The following YTHDC2 variants were observed in gnomAD, a reference collection of about 807,000 sequenced individuals.
YTHDC2 encodes 3'-5' RNA helicase YTHDC2.
In YTHDC2, 45 loss-of-function variants were observed where a neutral mutation model predicts 174.9. The ratio of observed to expected loss-of-function variants is 0.26; its 90% CI spans 0.20 to 0.33. The LOEUF (loss-of-function observed/expected upper bound fraction) is 0.33. YTHDC2 is among the 10% of genes least tolerant of loss of function. The pLI is 1.00. For synonymous variants in YTHDC2, 657 were observed against 574.5 expected (o/e 1.14, Z -2.05); for missense variants, 1,650 against 1,723.7 (o/e 0.96, Z 0.76).
intron 10 of YTHDC2, among the ~76,000 whole-genome samples, chr5:113,543,998 C>G (rs1200839290): frequency 1.3e-5 from 2 of 152,064 alleles, no homozygotes; most frequent in Non-Finnish European, 2.9e-5. Flanking sequence ...CTTTCATTAC[C>G]TGTCATGTAT....
intron 12 of YTHDC2, among the ~76,000 whole-genome samples, chr5:113,552,003 T>C (rs1260106431): frequency 6.6e-6 from 1 of 152,162 alleles, no homozygotes; most frequent in Admixed American, 6.6e-5. Context: ...ATAATCAACT[T>C]GCTTTTAGTA....
At chr5:113,525,203 C>T (rs771416146) in intron 3 of YTHDC2, 26 bp downstream of exon 3, 2 of 1,521,806 alleles carry the variant, frequency 1.3e-6, no homozygotes, top group Non-Finnish European at 1.8e-6. Context: ...GGAGCTTCCT[C>T]ATTTACCCTA....
intron 20 of YTHDC2, among the ~76,000 whole-genome samples, 197 bp downstream of exon 20, chr5:113,564,328 C>T (rs985668664): frequency 2.6e-5 from 4 of 151,902 alleles, no homozygotes; most frequent in African/African-American, 9.7e-5. Context: ...GCTCTTTTTT[C>T]CCATTTTCTC....
Position 113,561,121 on chromosome 5 carries a change from G to T in YTHDC2, c.2258G>T (p.Ser753Ile). Residue 753 changes from serine (S) to isoleucine (I), a missense_variant, in exon 18 of 30, where the codon AGT becomes ATT. By Grantham distance (142) the Ser-to-Ile change is moderately radical. This residue lies in a region of YTHDC2 where 913 missense variants were observed against 940.4 expected (regional missense o/e 0.97). Transcript: ENST00000161863. ...CCTGGAATTTGTTTTCGTCTGTTCA[G>T]TAGACTCCGATTCCAGAATATGTTG... ...CRPGICFRLF[S>I]RLRFQNMLEF... is the part of the protein sequence containing the mutation. 1 of 1,613,152 alleles carries T rather than the reference G, an allele frequency of 6.2e-7. No individual in the cohort carries two copies. The highest frequency in any genetic ancestry group is 8.5e-7 in the Non-Finnish European group (1 of 1,179,466).
At chr5:113,522,216 A>G (rs1773923103) in intron 2 of YTHDC2, among the ~76,000 whole-genome samples, 1 of 148,130 alleles carries the variant, frequency 6.8e-6, no homozygotes, top group East Asian at 2.0e-4. Flanking sequence ...TTAAGCAGTC[A>G]TTTGAGATTT....
At chr5:113,533,132 GAA>G in intron 5 of YTHDC2, 87 bp downstream of exon 5, 1 of 1,441,832 alleles carries the variant, frequency 6.9e-7, no homozygotes. Context: ...TGTGTTCGTT[GAA>G]AAGTTAGGTG....
chr5:113,540,309 TATAAC>T (rs1439056495), intron 8 of YTHDC2, among the ~76,000 whole-genome samples: 2 of 152,210 alleles, frequency 1.3e-5, no homozygotes, highest in African/African-American at 4.8e-5. Context: ...AAACAATAGT[TATAAC>T]ATGGATAAAA....
chr5:113,551,129 T>C lies in YTHDC2; in HGVS notation c.1689-2052T>C, dbSNP rs1011684606. On this transcript the variant is annotated intron_variant, in intron 12 of 29. Transcript: ENST00000161863. ...CAGACATTTGAAATTAGTTGTGACA[T>C]TGAGTCTCAAAATTCTTGGTAGGTT... Among the ~76,000 whole-genome samples the C allele has an allele frequency of 3.9e-5, 6 of 152,196 alleles. No individual in the cohort carries two copies. The East Asian group carries it at 7.7e-4, about 20-fold the overall frequency.
chr5:113,574,982 G>A (rs890456021), intron 23 of YTHDC2, among the ~76,000 whole-genome samples: 1 of 152,166 alleles, frequency 6.6e-6, no homozygotes, highest in African/African-American at 2.4e-5. Flanking sequence ...GGGGGTGAGG[G>A]TTCCTTTTGC....
chr5:113,590,626 C>G (rs533000015), intron 26 of YTHDC2, among the ~76,000 whole-genome samples: 123 of 152,324 alleles, frequency 8.1e-4, no homozygotes, highest in Admixed American at 5.3e-3. Context: ...CCACTTCGGT[C>G]TCTGAACTCC....
chr5:113,553,086 T>A, intron 12 of YTHDC2, 95 bp from the exon 13 acceptor site: 1 of 1,197,478 alleles, frequency 8.4e-7, no homozygotes, highest in Non-Finnish European at 1.1e-6. Flanking sequence ...TCACTTACCT[T>A]ACCTTCCTTA....
intron 23 of YTHDC2, among the ~76,000 whole-genome samples, chr5:113,575,821 G>T (rs1778007733): frequency 6.6e-6 from 1 of 152,184 alleles, no homozygotes; most frequent in Admixed American, 6.5e-5. Flanking sequence ...GTGGAGGCAG[G>T]TAGGAGGCTT....
chr5:113,530,316 T>A (rs559988274), intron 4 of YTHDC2, among the ~76,000 whole-genome samples: 1 of 152,280 alleles, frequency 6.6e-6, no homozygotes, highest in East Asian at 1.9e-4. Flanking sequence ...AGTACCAGTG[T>A]CTATTTCTAA....
chr5:113,556,322 A>G (rs1776607331), intron 17 of YTHDC2, 188 bp downstream of exon 17: 1 of 399,088 alleles, frequency 2.5e-6, no homozygotes, highest in Non-Finnish European at 4.5e-6. Context: ...TTATGTTAAA[A>G]TTAAAAACTT....
In YTHDC2 at chr5:113,534,392, G is replaced by C; in HGVS notation, c.930G>C (p.Val310=). 6.2e-7 allele frequency: 1 copy of C among 1,611,056 alleles called. No homozygotes were observed. The change falls in exon 6 of 30, where the codon GTG becomes GTC. Residue 310 remains valine, a synonymous_variant. Transcript: ENST00000161863. ...LMAGDSTLST[V]THVIVDEVHE... Reference sequence around the variant, plus strand: ...CAGGAGATAGTACGTTGTCGACTGTGACACATGTTATCGTGGTAAGAATAT... The same window carrying C: ...CAGGAGATAGTACGTTGTCGACTGTCACACATGTTATCGTGGTAAGAATAT...
At chr5:113,520,939 G>T (rs759304280) in intron 2 of YTHDC2, among the ~76,000 whole-genome samples, 2 of 152,016 alleles carry the variant, frequency 1.3e-5, no homozygotes, top group Non-Finnish European at 2.9e-5. Flanking sequence ...ATAGACCCCA[G>T]TGCCTGTTGT....
chr5:113,520,342 G>A (rs137936642), intron 2 of YTHDC2, among the ~76,000 whole-genome samples: 2 of 152,104 alleles, frequency 1.3e-5, no homozygotes, highest in South Asian at 2.1e-4. Context: ...GTATAACTTC[G>A]CTACCTAACT....
In YTHDC2 at chr5:113,553,332, T is replaced by A. The variant is rs1477505999; in HGVS notation, c.1840T>A (p.Tyr614Asn). 6.2e-7 allele frequency: 1 copy of A among 1,606,860 alleles called. No homozygotes were observed. Among genetic ancestry groups the A allele is most frequent in the East Asian group, 2.2e-5 (1 of 44,760 alleles). ...CTTGGATTTGATCATGCATCTTCTA[T>A]ACAATATCTGCCATAGTTGTGATGC... ...VDLDLIMHLL[Y>N]NICHSCDAGA... Residue 614 changes from tyrosine to asparagine, a missense_variant, in exon 13 of 30, where the codon TAC becomes AAC. Physicochemically the swap from Tyr to Asn is moderately radical, Grantham distance 143 (BLOSUM62 -2). Coordinates refer to ENST00000161863, the MANE Select transcript of YTHDC2 (RefSeq NM_022828.5).
intron 11 of YTHDC2, 95 bp from the exon 12 acceptor site, chr5:113,548,860 T>G: frequency 7.9e-7 from 1 of 1,261,454 alleles, no homozygotes; most frequent in Non-Finnish European, 1.1e-6. Context: ...TTTAAAAATT[T>G]TTTTGAAAAG....
Sources: allele counts gnomAD v4.1 joint callset (sites outside exome capture counted in the v4.1 genomes callset), GRCh38; gene constraint gnomAD v4.1.1; regional missense constraint gnomAD v4.1.1; transcripts MANE v1.5; gene names NCBI Gene and HGNC (gene_info 2026-07-23, HGNC 2026-07-21).